The following PKP2 variants were observed in gnomAD, a reference collection of about 807,000 sequenced individuals.
PKP2 encodes plakophilin 2, also known as plakophilin-2.
In PKP2, 73 loss-of-function variants were observed where a neutral mutation model predicts 83.4. The observed-to-expected ratio is 0.88, with a 90% CI of 0.72 to 1.06. The LOEUF is 1.06. Among genes scored for constraint, PKP2 ranks in the 50% least tolerant of loss-of-function variants. The pLI, the probability that PKP2 is intolerant of heterozygous loss-of-function variation, is 0.00. For missense variants in PKP2, 966 were observed against 1,065.4 expected (o/e 0.91, Z 1.30); for synonymous variants, 409 against 430.4 (o/e 0.95, Z 0.62).
At chr12:32,877,175 C>G (rs1450964735) in intron 3 of PKP2, among the ~76,000 whole-genome samples, 1 of 152,106 alleles carries the variant, frequency 6.6e-6, no homozygotes, top group Admixed American at 6.5e-5. Context: ...CTCTTAGTAA[C>G]GTGCACAGTT....
At chr12:32,890,457 A>C (rs1957067574) in intron 1 of PKP2, among the ~76,000 whole-genome samples, 1 of 152,230 alleles carries the variant, frequency 6.6e-6, no homozygotes, top group South Asian at 2.1e-4. Flanking sequence ...ATTAAGTCTA[A>C]AGCTGATTAT....
At chr12:32,893,273 G>A (rs919448291) in intron 1 of PKP2, 1 of 152,172 alleles carries the variant, frequency 6.6e-6, no homozygotes, top group African/African-American at 2.4e-5. Flanking sequence ...GCTAATAGCA[G>A]TTAACATCAG....
At chr12:32,879,749 G>A (rs1449341454) in intron 1 of PKP2, among the ~76,000 whole-genome samples, 7 of 150,322 alleles carry the variant, frequency 4.7e-5, no homozygotes, top group Middle Eastern at 3.2e-3. Context: ...AGAATCGCTT[G>A]AACCCAGGAG....
chr12:32,879,865 T>C (rs1956969658), intron 1 of PKP2, among the ~76,000 whole-genome samples: 2 of 150,136 alleles, frequency 1.3e-5, no homozygotes, highest in Non-Finnish European at 3.0e-5. Flanking sequence ...AAAATGAAAG[T>C]TGAATTTAAA....
At chr12:32,860,612 C>T (rs1012294793) in intron 4 of PKP2, among the ~76,000 whole-genome samples, 2 of 152,232 alleles carry the variant, frequency 1.3e-5, no homozygotes, top group Non-Finnish European at 1.5e-5. Flanking sequence ...ACCTAATGCA[C>T]GCGGGGCTTA....
intron 9 of PKP2, among the ~76,000 whole-genome samples, chr12:32,819,769 A>T (rs887615760): frequency 2.0e-5 from 3 of 152,012 alleles, no homozygotes; most frequent in Non-Finnish European, 2.9e-5. Context: ...CCTGGTCTGG[A>T]TTCTGTGGGA....
At chr12:32,850,710 A>C in intron 5 of PKP2, 56 bp downstream of exon 5, 2 of 1,299,348 alleles carry the variant, frequency 1.5e-6, no homozygotes, top group East Asian at 2.3e-5. Context: ...AGATGATGTA[A>C]GGCATCTGGC....
At chr12:32,846,882 G>C (rs569521392) in intron 5 of PKP2, among the ~76,000 whole-genome samples, 1 of 152,136 alleles carries the variant, frequency 6.6e-6, no homozygotes, top group Admixed American at 6.5e-5. Flanking sequence ...AAAAGTAGGT[G>C]GGGTGACAGC....
chr12:32,880,218 T>C (rs975024264), intron 1 of PKP2, among the ~76,000 whole-genome samples: 2 of 151,586 alleles, frequency 1.3e-5, no homozygotes, highest in Non-Finnish European at 2.9e-5. Flanking sequence ...CTGGCCAACA[T>C]GGTGAAACCG....
intron 5 of PKP2, among the ~76,000 whole-genome samples, chr12:32,842,965 G>A (rs1038026879): frequency 4.0e-5 from 6 of 150,942 alleles, no homozygotes; most frequent in Non-Finnish European, 5.9e-5. Flanking sequence ...GAGCCACTGT[G>A]CCTGGCCCAG....
chr12:32,833,463 T>G (rs1268478820), intron 6 of PKP2, among the ~76,000 whole-genome samples: 1 of 152,126 alleles, frequency 6.6e-6, no homozygotes, highest in East Asian at 1.9e-4. Context: ...TAGCTCATAT[T>G]GATATTCCAA....
At chr12:32,868,408 G>A (rs1956868051) in intron 4 of PKP2, among the ~76,000 whole-genome samples, 1 of 151,982 alleles carries the variant, frequency 6.6e-6, no homozygotes, top group African/African-American at 2.4e-5. Flanking sequence ...AGTAGAGTTG[G>A]GGTTTCATCA....
At chr12:32,856,495 AG>A (rs1170214813) in intron 4 of PKP2, among the ~76,000 whole-genome samples, 5 of 151,930 alleles carry the variant, frequency 3.3e-5, no homozygotes, top group Non-Finnish European at 7.4e-5. Flanking sequence ...TGACTATGAG[AG>A]GTAAGGAAAA....
chr12:32,837,425 G>A (rs1013384198), intron 6 of PKP2, among the ~76,000 whole-genome samples: 3 of 152,132 alleles, frequency 2.0e-5, no homozygotes, highest in Non-Finnish European at 2.9e-5. Context: ...AGAGTAAACT[G>A]AGAAAAGCCT....
chr12:32,853,704 T>C (rs1956721174), intron 4 of PKP2, among the ~76,000 whole-genome samples: 2 of 151,826 alleles, frequency 1.3e-5, no homozygotes, highest in Admixed American at 1.3e-4. Flanking sequence ...GGAGATGGGG[T>C]TTTGCCATGT....
chr12:32,806,285 T>G (rs1041139583), intron 9 of PKP2, among the ~76,000 whole-genome samples: 3 of 152,130 alleles, frequency 2.0e-5, no homozygotes, highest in Non-Finnish European at 4.4e-5. Flanking sequence ...TCAGTAGAAA[T>G]GGTACCTACC....
chr12:32,893,690 G>C (rs1957095155), intron 1 of PKP2: 1 of 152,150 alleles, frequency 6.6e-6, no homozygotes, highest in Admixed American at 6.5e-5. Context: ...TTGTTCCTTA[G>C]TTGGAACAGC....
Position 32,896,586 on chromosome 12 carries a change from T to C in PKP2, c.146A>G (p.Gln49Arg), listed in dbSNP as rs763492084. The part of the protein sequence containing the change: ...KLAGSSGRGG[Q>R]TVKSLRIQEQ... Reference sequence around the variant, plus strand: ...CTGGATCCGCAGGCTCTTGACTGTCTGGCCGCCGCGGCCGCTGCTCCCCGC... The same window carrying C: ...CTGGATCCGCAGGCTCTTGACTGTCCGGCCGCCGCGGCCGCTGCTCCCCGC... The change falls in exon 1 of 13, where the codon CAG becomes CGG. Residue 49 changes from glutamine (Q) to arginine (R), a missense_variant. By Grantham distance (43) the Gln-to-Arg change is conservative. Transcript: ENST00000340811. 12 of 1,588,376 alleles carry C rather than the reference T, an allele frequency of 7.6e-6. No individual in the cohort carries two copies. The African/African-American group carries it at 9.4e-5, about 12-fold the overall frequency.
intron 1 of PKP2, among the ~76,000 whole-genome samples, chr12:32,888,014 T>C (rs1222228680): frequency 2.0e-5 from 3 of 151,856 alleles, no homozygotes; most frequent in Non-Finnish European, 2.9e-5. Context: ...ACCCCATCTG[T>C]ACAAAAAAAA....
Sources: allele counts gnomAD v4.1 joint callset (sites outside exome capture counted in the v4.1 genomes callset), GRCh38; gene constraint gnomAD v4.1.1; transcripts MANE v1.5; gene names NCBI Gene and HGNC (gene_info 2026-07-23, HGNC 2026-07-21).